The following SSBP3 variants were observed in gnomAD, a reference collection of about 807,000 sequenced individuals.
SSBP3 encodes the protein single-stranded DNA-binding protein 3.
SSBP3 carries 5 observed loss-of-function variants against 69.6 expected under a neutral mutation model. The ratio of observed to expected loss-of-function variants is 0.07; its 90% CI spans 0.04 to 0.15. The LOEUF (loss-of-function observed/expected upper bound fraction) is 0.15. Ranked by LOEUF, SSBP3 falls within the 10% of genes least tolerant of loss-of-function variation. The pLI is 1.00. For synonymous variants in SSBP3, 196 were observed against 193.4 expected (o/e 1.01, Z -0.11); for missense variants, 312 against 534.0 (o/e 0.58, Z 4.10).
At chr1:54,395,046 G>A (rs1227633210) in intron 4 of SSBP3, among the ~76,000 whole-genome samples, 1 of 148,824 alleles carries the variant, frequency 6.7e-6, no homozygotes, top group African/African-American at 2.5e-5. Flanking sequence ...AATCGCCTTT[G>A]TGGGATTTCC....
intron 4 of SSBP3, among the ~76,000 whole-genome samples, chr1:54,309,021 T>C (rs1303379210): frequency 1.3e-5 from 2 of 152,170 alleles, no homozygotes; most frequent in Non-Finnish European, 2.9e-5. Context: ...AACAAAATCA[T>C]AATGCTCATC....
intron 7 of SSBP3, chr1:54,255,535 G>A (rs1644906053): frequency 6.6e-6 from 1 of 152,126 alleles, no homozygotes; most frequent in Admixed American, 6.5e-5. Context: ...AATTAGCACT[G>A]GGCTGGAACC....
intron 4 of SSBP3, among the ~76,000 whole-genome samples, chr1:54,396,954 C>T (rs1482580772): frequency 1.3e-5 from 2 of 152,168 alleles, no homozygotes; most frequent in African/African-American, 2.4e-5. Context: ...AATTAGCTAC[C>T]GATGGAGGAG....
intron 4 of SSBP3, among the ~76,000 whole-genome samples, chr1:54,322,146 C>T (rs1231436021): frequency 6.6e-6 from 1 of 152,194 alleles, no homozygotes; most frequent in Non-Finnish European, 1.5e-5. Context: ...TCTGGCTTCT[C>T]ACAAGTCTCC....
At chr1:54,233,536 T>TG (rs1189522307) in intron 14 of SSBP3, among the ~76,000 whole-genome samples, 1,807 of 103,370 alleles carry the variant, frequency 0.017, 37 homozygotes, top group African/African-American at 0.059. Context: ...GGGAGGGAGG[T>TG]GGGGGGGGTA....
intron 4 of SSBP3, among the ~76,000 whole-genome samples, chr1:54,314,361 G>A (rs531136377): frequency 5.3e-5 from 8 of 152,304 alleles, no homozygotes; most frequent in Admixed American, 1.3e-4. Flanking sequence ...CAAAAAGGGC[G>A]AAGGACTCCT....
chr1:54,301,921 G>T (rs1380931258), intron 4 of SSBP3, among the ~76,000 whole-genome samples: 1 of 152,236 alleles, frequency 6.6e-6, no homozygotes. Context: ...CCCAAATTAT[G>T]TGTGCAAAGG....
At position 54,358,786 on chromosome 1, in the gene SSBP3, C is replaced by T. The variant is rs563844541; in HGVS notation, c.276+43075G>A. On this transcript the variant is annotated intron_variant, in intron 4 of 17. Transcript: ENST00000610401. ...CGCTCTCAACGACACAGGGAAATTC[C>T]GCCCACAGCTCTGAATAATCAAAGA... 3.9e-4 allele frequency among the ~76,000 whole-genome samples: 59 copies of T among 152,284 alleles called. 1 individual carries two copies. The highest frequency in any genetic ancestry group is 1.1e-3 in the African/African-American group (44 of 41,562).
intron 4 of SSBP3, among the ~76,000 whole-genome samples, chr1:54,366,144 G>T (rs1011463622): frequency 1.3e-5 from 2 of 152,144 alleles, no homozygotes; most frequent in Non-Finnish European, 2.9e-5. Flanking sequence ...CTGCTCCCCA[G>T]TGGAGCCTGG....
At chr1:54,306,070 C>T (rs1255647454) in intron 4 of SSBP3, among the ~76,000 whole-genome samples, 1 of 151,932 alleles carries the variant, frequency 6.6e-6, no homozygotes, top group Non-Finnish European at 1.5e-5. Flanking sequence ...CCCATCCTAT[C>T]CCCAACTCCT....
intron 5 of SSBP3, among the ~76,000 whole-genome samples, chr1:54,270,246 A>AAGACCCAGCT (rs1553128656): frequency 1.3e-5 from 2 of 152,184 alleles, no homozygotes; most frequent in Non-Finnish European, 2.9e-5. Flanking sequence ...CGCACAGGTG[A>AAGACCCAGCT]AGACCCAGCT....
intron 11 of SSBP3, among the ~76,000 whole-genome samples, 186 bp downstream of exon 11, chr1:54,241,978 A>G (rs1570236240): frequency 6.6e-6 from 1 of 152,064 alleles, no homozygotes; most frequent in Non-Finnish European, 1.5e-5. Context: ...GCAGGGGTGG[A>G]GCCCTTGATG....
At chr1:54,292,920 G>A (rs1645634280) in intron 4 of SSBP3, among the ~76,000 whole-genome samples, 1 of 152,036 alleles carries the variant, frequency 6.6e-6, no homozygotes, top group African/African-American at 2.4e-5. Flanking sequence ...CCTGCCAAGT[G>A]GCCTTCTAGA....
chr1:54,283,593 CA>C (rs1645435229), intron 4 of SSBP3, among the ~76,000 whole-genome samples: 1 of 152,188 alleles, frequency 6.6e-6, no homozygotes, highest in South Asian at 2.1e-4. Flanking sequence ...AATCTAGCAA[CA>C]AAGAAATACA....
intron 4 of SSBP3, among the ~76,000 whole-genome samples, chr1:54,333,045 T>C (rs1382333576): frequency 1.3e-5 from 2 of 152,170 alleles, no homozygotes; most frequent in Non-Finnish European, 2.9e-5. Context: ...AGGCTGGACC[T>C]GGCAAACACC....
At chr1:54,291,210 T>C (rs1645600424) in intron 4 of SSBP3, among the ~76,000 whole-genome samples, 1 of 152,126 alleles carries the variant, frequency 6.6e-6, no homozygotes, top group Non-Finnish European at 1.5e-5. Context: ...TCAGAACATC[T>C]TTCAAGGATG....
At chr1:54,253,340 C>T (rs542637524) in intron 7 of SSBP3, among the ~76,000 whole-genome samples, 15 of 151,376 alleles carry the variant, frequency 9.9e-5, no homozygotes, top group Non-Finnish European at 1.8e-4. Flanking sequence ...TACAGGCACG[C>T]GCTGTCACAC....
At chr1:54,238,455 T>C (rs1340235545) in intron 14 of SSBP3, 1 of 390,050 alleles carries the variant, frequency 2.6e-6, no homozygotes, top group African/African-American at 2.1e-5. Context: ...GGGTTGCCTG[T>C]GGAGGGGAAG....
intron 4 of SSBP3, among the ~76,000 whole-genome samples, chr1:54,384,390 C>G (rs1043795848): frequency 6.6e-6 from 1 of 152,200 alleles, no homozygotes; most frequent in East Asian, 1.9e-4. Flanking sequence ...ACAGACTGCA[C>G]AGAGGGGCCC....
Sources: gnomAD v4.1 joint callset for allele counts (sites outside exome capture counted in the v4.1 genomes callset) on GRCh38, gnomAD v4.1.1 for gene constraint, MANE v1.5 for transcripts, NCBI Gene and HGNC (gene_info 2026-07-23, HGNC 2026-07-21) for gene names.